MEIS1: variants seen among roughly 807,000 people sequenced by gnomAD.
MEIS1 encodes the protein homeobox protein Meis1.
A neutral mutation model predicts 50.8 loss-of-function variants in MEIS1; 5 were observed. The observed-to-expected ratio is 0.10, with a 90% CI of 0.05 to 0.21. The LOEUF is 0.21. Among genes scored for constraint, MEIS1 ranks in the 10% least tolerant of loss-of-function variants. MEIS1 has a pLI of 1.00. For missense variants in MEIS1, 318 were observed against 517.3 expected, an observed-to-expected ratio of 0.61 and a Z score of 3.74; for synonymous variants, 176 against 179.3, an observed-to-expected ratio of 0.98 and a Z score of 0.15.
chr2:66,444,709 C>T (rs868670110), intron 6 of MEIS1, among the ~76,000 whole-genome samples: 5 of 152,304 alleles, frequency 3.3e-5, no homozygotes, highest in Admixed American at 1.3e-4. Context: ...AGCCCTGGCC[C>T]GGGAGCTGTT....
intron 9 of MEIS1, among the ~76,000 whole-genome samples, chr2:66,560,430 A>AG (rs1675183721): frequency 1.3e-5 from 2 of 151,742 alleles, no homozygotes; most frequent in Admixed American, 6.6e-5. Context: ...TACAAAAAAA[A>AG]CAAAACGACA....
intron 8 of MEIS1, among the ~76,000 whole-genome samples, chr2:66,518,460 A>T (rs1014193453): frequency 2.0e-5 from 3 of 152,204 alleles, no homozygotes; most frequent in Non-Finnish European, 4.4e-5. Flanking sequence ...AATTGGGCTG[A>T]TTAAATAAAG....
intron 9 of MEIS1, among the ~76,000 whole-genome samples, chr2:66,555,974 C>T (rs1318852073): frequency 2.0e-5 from 3 of 152,000 alleles, no homozygotes; most frequent in Admixed American, 6.6e-5. Flanking sequence ...AGTGTGTGCA[C>T]GCCGAGGAGC....
In MEIS1 at chr2:66,567,351, C is replaced by G. The variant is rs1675373273; in HGVS notation, c.966-102C>G. ...GAGAACTGAAGGAGTCCCATTTTGC[C>G]AAGATCTAGTTTTACTCCAACTGCG... On this transcript the variant is annotated intron_variant, in intron 9 of 12. Coordinates refer to ENST00000272369, the MANE Select transcript of MEIS1 (RefSeq NM_002398.3). 6 of 1,285,006 alleles carry G rather than the reference C, an allele frequency of 4.7e-6. No individual in the cohort carries two copies. In the South Asian group the frequency reaches 7.7e-5, roughly 16 times the overall value. 79.6% of individuals were successfully genotyped at this position (1,285,006 alleles called of 1,614,324 possible).
In MEIS1 at chr2:66,563,840, CAA is replaced by C. The variant is rs935198750; in HGVS notation, c.966-3611_966-3610del. Among the ~76,000 whole-genome samples, 8 of 152,042 alleles carry C rather than the reference CAA, an allele frequency of 5.3e-5. 1 individual carries two copies. The highest frequency in any genetic ancestry group is 1.9e-4 in the African/African-American group (8 of 41,452). On this transcript the variant is annotated intron_variant, in intron 9 of 12. Transcript: ENST00000272369. The stretch of plus-strand genomic sequence containing the variant: ...GGCTCTGCTGTGTGTAGCATAATTC[CAA>C]AGAGAGAGGATGTATAAAATAGTCT...
chr2:66,544,407 T>A (rs1572893537), intron 8 of MEIS1, among the ~76,000 whole-genome samples: 2 of 152,320 alleles, frequency 1.3e-5, no homozygotes, highest in African/African-American at 4.8e-5. Context: ...TGGTTAAGGA[T>A]TAACTACATG....
At chr2:66,452,236 T>C (rs547294760) in intron 6 of MEIS1, among the ~76,000 whole-genome samples, 1 of 151,946 alleles carries the variant, frequency 6.6e-6, no homozygotes, top group Non-Finnish European at 1.5e-5. Flanking sequence ...GAACATTACT[T>C]TTATTTCAAA....
chr2:66,563,725 A>C (rs560352073), intron 9 of MEIS1, among the ~76,000 whole-genome samples: 1 of 152,292 alleles, frequency 6.6e-6, no homozygotes, highest in South Asian at 2.1e-4. Flanking sequence ...AGTTTGACTT[A>C]TAGTGGGAGG....
Position 66,439,393 on chromosome 2 carries a change from G to C in MEIS1, c.240-450G>C, listed in dbSNP as rs545483496. On this transcript the variant is annotated intron_variant, in intron 2 of 12. Transcript: ENST00000272369. Reference sequence around the variant, plus strand: ...TGAGCGCCTGCCACCGAGATCCCCCGAGCCTGGGCTTCGCGCGGCCGCCTA... The same window carrying C: ...TGAGCGCCTGCCACCGAGATCCCCCCAGCCTGGGCTTCGCGCGGCCGCCTA... 3,761 of 1,254,122 alleles carry C rather than the reference G, an allele frequency of 3.0e-3. 8 individuals carry two copies. The highest frequency in any genetic ancestry group is 3.5e-3 in the Non-Finnish European group (3,466 of 1,000,978). The allele number at this position is 1,254,122 out of a possible 1,614,324, so 77.7% of individuals were successfully genotyped here.
At chr2:66,570,107 G>T (rs912253960) in intron 12 of MEIS1, 1 of 152,166 alleles carries the variant, frequency 6.6e-6, no homozygotes, top group African/African-American at 2.4e-5. Context: ...TTATATTTAT[G>T]CACTATTTAA....
At chr2:66,543,913 C>T (rs778325825) in intron 8 of MEIS1, among the ~76,000 whole-genome samples, 1 of 152,186 alleles carries the variant, frequency 6.6e-6, no homozygotes, top group Admixed American at 6.5e-5. Flanking sequence ...CTTTGATATC[C>T]CGAAGTGATT....
intron 8 of MEIS1, among the ~76,000 whole-genome samples, chr2:66,517,401 A>G (rs72895176): frequency 0.011 from 1,601 of 152,132 alleles, 27 homozygotes; most frequent in African/African-American, 0.037. Flanking sequence ...AACTAGTATG[A>G]AGGTGCGAGA....
In MEIS1 at chr2:66,506,448, C is replaced by T. The variant is rs561587463; in HGVS notation, c.743-5701C>T. Among the ~76,000 whole-genome samples, 55 of 152,262 alleles carry T rather than the reference C, an allele frequency of 3.6e-4. 1 individual carries two copies. Among genetic ancestry groups the T allele is most frequent in the Non-Finnish European group, 7.9e-4 (54 of 68,024 alleles). On this transcript the variant is annotated intron_variant, in intron 7 of 12. Coordinates refer to ENST00000272369, the MANE Select transcript of MEIS1 (RefSeq NM_002398.3). ...TGGTGCCATGAGAACTTCAAGTCTG[C>T]TCAGGACCGGAGGTGGAGCTGTGAG...
At chr2:66,475,259 TA>T (rs1295401369) in intron 7 of MEIS1, among the ~76,000 whole-genome samples, 1 of 133,912 alleles carries the variant, frequency 7.5e-6, no homozygotes, top group African/African-American at 3.3e-5. Context: ...ATTTATAAAA[TA>T]AATATATAAT....
At chr2:66,571,011 C>T (rs906965552) in intron 12 of MEIS1, 41 of 482,450 alleles carry the variant, frequency 8.5e-5, no homozygotes, top group Non-Finnish European at 7.2e-6. Flanking sequence ...AATAAGACCT[C>T]AGTAGGCGGA....
At chr2:66,543,590 A>G (rs1468938712) in intron 8 of MEIS1, among the ~76,000 whole-genome samples, 1 of 152,150 alleles carries the variant, frequency 6.6e-6, no homozygotes, top group Non-Finnish European at 1.5e-5. Flanking sequence ...TCACTGTTTT[A>G]TGGCTTTCAC....
At chr2:66,465,534 C>G (rs963795630) in intron 7 of MEIS1, among the ~76,000 whole-genome samples, 1 of 152,164 alleles carries the variant, frequency 6.6e-6, no homozygotes, top group Admixed American at 6.5e-5. Flanking sequence ...ATATAAAGCC[C>G]TACTTTCATA....
At chr2:66,516,874 C>A (rs1673984793) in intron 8 of MEIS1, among the ~76,000 whole-genome samples, 1 of 152,054 alleles carries the variant, frequency 6.6e-6, no homozygotes, top group South Asian at 2.1e-4. Context: ...GTGTCGTATC[C>A]CTCCTTGCCA....
chr2:66,487,314 G>A (rs554834632), intron 7 of MEIS1, among the ~76,000 whole-genome samples: 4 of 152,144 alleles, frequency 2.6e-5, no homozygotes, highest in African/African-American at 7.2e-5. Flanking sequence ...TCACCATTCC[G>A]TTTCAACAAT....
Sources: allele counts gnomAD v4.1 joint callset (sites outside exome capture counted in the v4.1 genomes callset), GRCh38; gene constraint gnomAD v4.1.1; transcripts MANE v1.5; gene names NCBI Gene and HGNC (gene_info 2026-07-23, HGNC 2026-07-21).